CLNK: variants seen among roughly 807,000 people sequenced by gnomAD.
CLNK encodes cytokine-dependent hematopoietic cell linker.
A neutral mutation model predicts 68.6 loss-of-function variants in CLNK; 74 were observed. The observed-to-expected ratio is 1.08, with a 90% CI of 0.89 to 1.31. The LOEUF is 1.31. Ranked by LOEUF, CLNK falls within the 50% of genes most tolerant of loss-of-function variation. The pLI, the probability that CLNK is intolerant of heterozygous loss-of-function variation, is 0.00. For synonymous variants in CLNK, 198 were observed against 172.2 expected (o/e 1.15, Z -1.17); for missense variants, 553 against 515.3 (o/e 1.07, Z -0.71).
intron 1 of CLNK, among the ~76,000 whole-genome samples, chr4:10,669,661 A>T (rs1488436649): frequency 6.6e-6 from 1 of 152,194 alleles, no homozygotes; most frequent in African/African-American, 2.4e-5. Flanking sequence ...CAACTGTGTG[A>T]TCTTCAACCC....
intron 1 of CLNK, among the ~76,000 whole-genome samples, chr4:10,673,774 G>T (rs1257445482): frequency 6.6e-6 from 1 of 151,684 alleles, no homozygotes; most frequent in Non-Finnish European, 1.5e-5. Flanking sequence ...GGAAGGGGAG[G>T]CAGGACTTGT....
the CLNK span, among the ~76,000 whole-genome samples, chr4:10,728,108 T>C: frequency 6.6e-6 from 1 of 152,192 alleles, no homozygotes; most frequent in Non-Finnish European, 1.5e-5. Flanking sequence ...TTCTGGTATC[T>C]ACTGATGGGG....
At chr4:10,579,200 C>A (rs895867779) in intron 4 of CLNK, among the ~76,000 whole-genome samples, 7 of 152,216 alleles carry the variant, frequency 4.6e-5, no homozygotes, top group Non-Finnish European at 4.4e-5. Context: ...GTAGTCCACA[C>A]CCTTTCCCCT....
In CLNK at chr4:10,537,558, G is replaced by A. The variant is rs141434477; in HGVS notation, c.602+2936C>T. 1.9e-3 allele frequency among the ~76,000 whole-genome samples: 291 copies of A among 151,616 alleles called. 1 individual carries two copies. Among genetic ancestry groups the A allele is most frequent in the African/African-American group, 6.5e-3 (269 of 41,430 alleles). On this transcript the variant is annotated intron_variant, in intron 11 of 18. Transcript: ENST00000226951. Reference sequence around the variant, plus strand: ...TACCTAATTCTGCCGAGAACAGATGGGAGAAGCTGGTTTCCTTCCTCTCTT... The same window carrying A: ...TACCTAATTCTGCCGAGAACAGATGAGAGAAGCTGGTTTCCTTCCTCTCTT...
intron 2 of CLNK, among the ~76,000 whole-genome samples, chr4:10,634,095 GA>G (rs1387729158): frequency 6.6e-6 from 1 of 152,186 alleles, no homozygotes; most frequent in Non-Finnish European, 1.5e-5. Context: ...TCATCATGTT[GA>G]AGTCACTCCC....
the CLNK span, among the ~76,000 whole-genome samples, chr4:10,710,598 T>C: frequency 3.9e-5 from 6 of 152,174 alleles, no homozygotes; most frequent in African/African-American, 1.4e-4. Context: ...CTTGCCCCCA[T>C]TTGACAGTGG....
intron 2 of CLNK, among the ~76,000 whole-genome samples, chr4:10,665,129 G>A (rs1259374335): frequency 1.3e-5 from 2 of 152,196 alleles, no homozygotes; most frequent in Non-Finnish European, 2.9e-5. Flanking sequence ...CATCCTAATG[G>A]GAGGAAGCTA....
intron 2 of CLNK, among the ~76,000 whole-genome samples, chr4:10,637,977 C>G (rs1342673300): frequency 6.6e-6 from 1 of 152,064 alleles, no homozygotes; most frequent in African/African-American, 2.4e-5. Flanking sequence ...TTGAATTAAC[C>G]AGAAAATTAA....
At chr4:10,699,002 G>T in the CLNK span, among the ~76,000 whole-genome samples, 11 of 152,050 alleles carry the variant, frequency 7.2e-5, no homozygotes, top group South Asian at 2.3e-3. Flanking sequence ...CTCTTTCTTG[G>T]TCTCAAGGGT....
At chr4:10,515,771 C>T (rs1299478731) in intron 15 of CLNK, among the ~76,000 whole-genome samples, 1 of 152,178 alleles carries the variant, frequency 6.6e-6, no homozygotes, top group African/African-American at 2.4e-5. Context: ...TACATAATAG[C>T]ATATATCAAC....
intron 2 of CLNK, among the ~76,000 whole-genome samples, chr4:10,628,447 G>C (rs944938902): frequency 6.6e-6 from 1 of 151,894 alleles, no homozygotes; most frequent in Non-Finnish European, 1.5e-5. Context: ...TACATTTTTC[G>C]GTCTGTATTG....
At chr4:10,658,375 G>A (rs1244250498) in intron 2 of CLNK, among the ~76,000 whole-genome samples, 1 of 152,236 alleles carries the variant, frequency 6.6e-6, no homozygotes, top group Non-Finnish European at 1.5e-5. Flanking sequence ...CCAGCCGACA[G>A]TATCTGTTCC....
At chr4:10,682,197 T>G (rs1725120160) in intron 1 of CLNK, among the ~76,000 whole-genome samples, 1 of 152,116 alleles carries the variant, frequency 6.6e-6, no homozygotes, top group Admixed American at 6.6e-5. Context: ...CTTCTCAGTT[T>G]TATTGGTAAA....
chr4:10,711,103 C>G, the CLNK span, among the ~76,000 whole-genome samples: 1 of 152,128 alleles, frequency 6.6e-6, no homozygotes, highest in Non-Finnish European at 1.5e-5. Context: ...ATTTGTAGAT[C>G]AATATGACAG....
intron 2 of CLNK, among the ~76,000 whole-genome samples, chr4:10,655,334 CAGAGAGAGAGAGAGAGAGAGAG>C (rs148877353): frequency 1.3e-4 from 18 of 135,384 alleles, no homozygotes; most frequent in Non-Finnish European, 2.7e-4. Flanking sequence ...CCCCCAAAGA[CAGAGAGAGAGAGAGAGAGAGAG>C]AGAGAGAGAG....
chr4:10,680,928 C>G (rs1334849937), intron 1 of CLNK, among the ~76,000 whole-genome samples: 1 of 151,906 alleles, frequency 6.6e-6, no homozygotes, highest in East Asian at 1.9e-4. Flanking sequence ...TGTAAAGAGT[C>G]CAGACAGATA....
chr4:10,568,033 A>G (rs2108825361), intron 5 of CLNK, among the ~76,000 whole-genome samples: 2 of 152,350 alleles, frequency 1.3e-5, no homozygotes, highest in East Asian at 3.9e-4. Flanking sequence ...AAGGTTAAAC[A>G]CAGAGCTACC....
chr4:10,519,625 C>A (rs745807649), intron 15 of CLNK, among the ~76,000 whole-genome samples: 90 of 152,230 alleles, frequency 5.9e-4, no homozygotes, highest in Non-Finnish European at 1.1e-3. Context: ...TGAGGGGAAG[C>A]GAATTTATCA....
At chr4:10,557,107 A>G (rs1052584041) in intron 8 of CLNK, among the ~76,000 whole-genome samples, 1 of 151,636 alleles carries the variant, frequency 6.6e-6, no homozygotes, top group African/African-American at 2.4e-5. Context: ...AAATAAATAA[A>G]TAAATAAATA....
Sources: allele counts gnomAD v4.1 joint callset (sites outside exome capture counted in the v4.1 genomes callset), GRCh38; gene constraint gnomAD v4.1.1; transcripts MANE v1.5; gene names NCBI Gene and HGNC (gene_info 2026-07-23, HGNC 2026-07-21).